Variants in TJP1 observed in about 807,000 individuals in gnomAD.
TJP1 encodes tight junction protein 1.
In TJP1, 43 loss-of-function variants were observed where a neutral mutation model predicts 194.2. That is an observed-to-expected ratio of 0.22 (90% CI 0.17 to 0.29). TJP1 has a LOEUF of 0.29. Ranked by LOEUF, TJP1 falls within the 10% of genes least tolerant of loss-of-function variation. The pLI is 1.00. For synonymous variants in TJP1, 801 were observed against 779.0 expected (o/e 1.03, Z -0.47); for missense variants, 1,971 against 2,185.7 (o/e 0.90, Z 1.96).
rs530299956 is a variant in TJP1 at position 29,846,875 on chromosome 15, G to A, written c.307-46173C>T. On this transcript the variant is annotated intron_variant, in intron 2 of 28. Transcript: ENST00000356107. ...TGGGAGGTGGAGCTTGCAGTGAGCCGAGATGGTGCCACTGCACTCCAGCCT... is the reference window on the plus strand; with the variant it reads ...TGGGAGGTGGAGCTTGCAGTGAGCCAAGATGGTGCCACTGCACTCCAGCCT... Among the ~76,000 whole-genome samples the A allele has an allele frequency of 1.7e-3, 260 of 151,980 alleles. 1 individual carries two copies. The highest frequency in any genetic ancestry group is 6.1e-3 in the African/African-American group (254 of 41,484).
At chr15:29,797,194 G>C (rs773269111) in intron 2 of TJP1, among the ~76,000 whole-genome samples, 1 of 152,124 alleles carries the variant, frequency 6.6e-6, no homozygotes. Context: ...TGTCTCCCAT[G>C]CTGGAGTGCA....
chr15:29,881,568 A>G (rs2052931945), intron 2 of TJP1, among the ~76,000 whole-genome samples: 1 of 152,140 alleles, frequency 6.6e-6, no homozygotes, highest in South Asian at 2.1e-4. Context: ...TGGTTTCCTC[A>G]TTTGCTAATC....
At chr15:29,713,286 C>A (rs1354499117) in intron 23 of TJP1, among the ~76,000 whole-genome samples, 2 of 152,216 alleles carry the variant, frequency 1.3e-5, no homozygotes, top group African/African-American at 4.8e-5. Flanking sequence ...TGGAGGGACA[C>A]TGCTCTTCTT....
chr15:29,890,844 G>T (rs1238713378), intron 2 of TJP1, among the ~76,000 whole-genome samples: 2 of 152,014 alleles, frequency 1.3e-5, no homozygotes, highest in African/African-American at 4.8e-5. Context: ...ATGCCAGAGA[G>T]TGAAAGCTAT....
intron 2 of TJP1, among the ~76,000 whole-genome samples, chr15:29,881,305 C>T (rs532440953): frequency 6.6e-6 from 1 of 152,192 alleles, no homozygotes; most frequent in African/African-American, 2.4e-5. Context: ...TTGTATTTTT[C>T]CTATTGAGTT....
intron 11 of TJP1, among the ~76,000 whole-genome samples, chr15:29,735,244 C>A (rs2043949695): frequency 6.6e-6 from 1 of 151,064 alleles, no homozygotes; most frequent in Non-Finnish European, 1.5e-5. Flanking sequence ...AACAAAAAAA[C>A]CTGACACGCA....
At chr15:29,704,976 C>G (rs928162364) in intron 26 of TJP1, among the ~76,000 whole-genome samples, 2 of 152,192 alleles carry the variant, frequency 1.3e-5, no homozygotes, top group African/African-American at 4.8e-5. Context: ...CAACACACTT[C>G]GTTATAATAT....
At chr15:29,920,095 G>A (rs2152246660) in intron 2 of TJP1, among the ~76,000 whole-genome samples, 2 of 152,312 alleles carry the variant, frequency 1.3e-5, no homozygotes, top group African/African-American at 4.8e-5. Flanking sequence ...ATCATGCACA[G>A]ATGCCGAAAC....
Position 29,761,363 on chromosome 15 carries a change from A to C in TJP1, c.863-77T>G, listed in dbSNP as rs571522408. The C allele has an allele frequency of 7.2e-6, 11 of 1,523,066 alleles. No homozygotes were observed. In the African/African-American group the frequency reaches 1.3e-4, roughly 17 times the overall value. 94.3% of individuals were successfully genotyped at this position (1,523,066 alleles called of 1,614,324 possible). A position where few individuals can be genotyped will look rare whatever the true frequency, so the allele number is the denominator to read the frequency against. ...GTATAAGGTACTCCAGTAATAATGA[A>C]GATAAGCTAGTAAGTAAAATTATAT... On this transcript the variant is annotated intron_variant, in intron 7 of 27. Coordinates refer to ENST00000614355, the MANE Select transcript of TJP1 (RefSeq NM_001330239.4).
chr15:29,734,230 A>C (rs1406224813), intron 12 of TJP1, 44 bp downstream of exon 12: 6 of 1,368,668 alleles, frequency 4.4e-6, no homozygotes, highest in Non-Finnish European at 6.0e-6. Flanking sequence ...GTAAGTCCTC[A>C]AACTCTACAG....
At chr15:29,797,964 G>A (rs1441245202) in intron 2 of TJP1, among the ~76,000 whole-genome samples, 20 of 152,260 alleles carry the variant, frequency 1.3e-4, no homozygotes, top group South Asian at 2.1e-4. Flanking sequence ...CTAAAACCAC[G>A]TGTGATACCG....
At chr15:29,769,715 G>C (rs1228509122) in intron 4 of TJP1, among the ~76,000 whole-genome samples, 2 of 152,088 alleles carry the variant, frequency 1.3e-5, no homozygotes, top group Non-Finnish European at 2.9e-5. Flanking sequence ...TCATAATGTC[G>C]TGGGTGCACT....
At chr15:29,915,276 T>A (rs1352814939) in intron 2 of TJP1, among the ~76,000 whole-genome samples, 1 of 152,180 alleles carries the variant, frequency 6.6e-6, no homozygotes, top group Non-Finnish European at 1.5e-5. Context: ...AATGTGCATT[T>A]CTGTGTATGT....
intron 2 of TJP1, among the ~76,000 whole-genome samples, chr15:29,904,458 C>T (rs891746662): frequency 6.6e-6 from 1 of 152,018 alleles, no homozygotes; most frequent in Non-Finnish European, 1.5e-5. Flanking sequence ...AAAGTCAAAT[C>T]TCTTCCACTT....
intron 2 of TJP1, among the ~76,000 whole-genome samples, chr15:29,868,138 C>G (rs1046952468): frequency 6.6e-6 from 1 of 151,450 alleles, no homozygotes; most frequent in East Asian, 1.9e-4. Flanking sequence ...GTGGAATGAT[C>G]GTTTGAGCCT....
chr15:29,812,904 T>G (rs1339425282), intron 1 of TJP1, among the ~76,000 whole-genome samples: 1 of 152,174 alleles, frequency 6.6e-6, no homozygotes, highest in African/African-American at 2.4e-5. Flanking sequence ...CCATGGCTAC[T>G]GACTTGATTT....
intron 2 of TJP1, among the ~76,000 whole-genome samples, chr15:29,916,744 T>C (rs2054199304): frequency 6.6e-6 from 1 of 152,200 alleles, no homozygotes; most frequent in Non-Finnish European, 1.5e-5. Context: ...ATAGAGCAAA[T>C]GTACCTAAAT....
At chr15:29,881,160 AT>A (rs2052914458) in intron 2 of TJP1, among the ~76,000 whole-genome samples, 1 of 151,982 alleles carries the variant, frequency 6.6e-6, no homozygotes, top group South Asian at 2.1e-4. Context: ...CTGATATTTC[AT>A]TGTAGTTTAG....
chr15:29,722,178 T>G lies in TJP1; in HGVS notation c.2413-1470A>C, dbSNP rs574831440. On this transcript the variant is annotated intron_variant, in intron 18 of 27. Transcript: ENST00000614355. ...TGTTAAGTAACGAGGGACAGAATATTAACAGACAAAACAATGGGGGAAAAT... is the reference window on the plus strand; with the variant it reads ...TGTTAAGTAACGAGGGACAGAATATGAACAGACAAAACAATGGGGGAAAAT... Among the ~76,000 whole-genome samples, 3 of 152,306 alleles carry G rather than the reference T, an allele frequency of 2.0e-5. No homozygotes were observed. In the South Asian group the frequency reaches 6.2e-4, roughly 32 times the overall value.
Sources: gnomAD v4.1 joint callset for allele counts (sites outside exome capture counted in the v4.1 genomes callset) on GRCh38, gnomAD v4.1.1 for gene constraint, MANE v1.5 for transcripts, NCBI Gene and HGNC (gene_info 2026-07-23, HGNC 2026-07-21) for gene names.